The following JARID2 variants were observed in gnomAD, a reference collection of about 807,000 sequenced individuals.
The protein encoded by JARID2 is protein Jumonji.
Under a neutral mutation model 125.6 loss-of-function variants are expected in JARID2, and 21 were observed. The observed-to-expected ratio is 0.17, with a 90% CI of 0.12 to 0.24. The LOEUF (loss-of-function observed/expected upper bound fraction) is 0.24. Among genes scored for constraint, JARID2 ranks in the 10% least tolerant of loss-of-function variants. JARID2 has a pLI of 1.00. For synonymous variants in JARID2, 736 were observed against 661.6 expected, an observed-to-expected ratio of 1.11 and a Z score of -1.73; for missense variants, 1,303 against 1,639.6, an observed-to-expected ratio of 0.79 and a Z score of 3.55.
intron 5 of JARID2, among the ~76,000 whole-genome samples, chr6:15,473,611 A>G (rs1330134637): frequency 6.8e-6 from 1 of 147,920 alleles, no homozygotes; most frequent in Non-Finnish European, 1.5e-5. Flanking sequence ...GGGCTCCATT[A>G]AGACATTTTG....
At chr6:15,409,892 A>C (rs1408843688) in intron 2 of JARID2, among the ~76,000 whole-genome samples, 1 of 152,200 alleles carries the variant, frequency 6.6e-6, no homozygotes, top group African/African-American at 2.4e-5. Flanking sequence ...TTGATAACAG[A>C]TACTCCTTTC....
chr6:15,486,150 A>G (rs573763649), intron 5 of JARID2, among the ~76,000 whole-genome samples: 26 of 152,330 alleles, frequency 1.7e-4, no homozygotes, highest in Admixed American at 9.1e-4. Context: ...CCTAAAGGCA[A>G]CCCAGGAACA....
chr6:15,256,420 G>A (rs917474083), intron 1 of JARID2, among the ~76,000 whole-genome samples: 1 of 152,174 alleles, frequency 6.6e-6, no homozygotes, highest in African/African-American at 2.4e-5. Context: ...AGACTGGAGT[G>A]GCACTGAATC....
intron 3 of JARID2, among the ~76,000 whole-genome samples, chr6:15,437,955 A>G (rs1430461828): frequency 1.3e-5 from 2 of 152,158 alleles, no homozygotes; most frequent in Non-Finnish European, 2.9e-5. Context: ...CCTTAGCAGA[A>G]TAGATAGAAG....
intron 1 of JARID2, among the ~76,000 whole-genome samples, chr6:15,249,445 TC>T (rs1352372982): frequency 1.3e-5 from 2 of 152,210 alleles, no homozygotes; most frequent in Non-Finnish European, 2.9e-5. Flanking sequence ...AGCACAGGAC[TC>T]CTTTAAGTCT....
At chr6:15,333,007 C>A (rs1438590221) in intron 1 of JARID2, among the ~76,000 whole-genome samples, 1 of 132,430 alleles carries the variant, frequency 7.6e-6, no homozygotes, top group Non-Finnish European at 1.5e-5. Context: ...TCTCTGCTAA[C>A]TGCAGGCTCC....
At chr6:15,518,431 A>G (rs1160799362) in intron 17 of JARID2, among the ~76,000 whole-genome samples, 1 of 152,186 alleles carries the variant, frequency 6.6e-6, no homozygotes, top group African/African-American at 2.4e-5. Flanking sequence ...CATACTCTGT[A>G]GTGGCTGAGT....
At chr6:15,332,453 A>G (rs1762740213) in intron 1 of JARID2, among the ~76,000 whole-genome samples, 1 of 152,236 alleles carries the variant, frequency 6.6e-6, no homozygotes. Context: ...GCATTGTATC[A>G]AAACAGCTTT....
intron 2 of JARID2, among the ~76,000 whole-genome samples, chr6:15,405,309 G>A (rs931701399): frequency 3.3e-5 from 5 of 152,182 alleles, no homozygotes; most frequent in African/African-American, 4.8e-5. Context: ...TCCTGAATGT[G>A]CAGAGCTGCT....
At chr6:15,387,091 G>C (rs542504506) in intron 2 of JARID2, among the ~76,000 whole-genome samples, 184 of 152,272 alleles carry the variant, frequency 1.2e-3, no homozygotes, top group African/African-American at 4.0e-3. Flanking sequence ...TCTGGAGCTA[G>C]GGTCCCAGAC....
At chr6:15,437,233 C>T (rs1234919589) in intron 3 of JARID2, among the ~76,000 whole-genome samples, 1 of 151,984 alleles carries the variant, frequency 6.6e-6, no homozygotes, top group African/African-American at 2.4e-5. Context: ...ATGGTGTAGT[C>T]TAGGTCATAC....
At chr6:15,287,142 C>CGCAA (rs1561771299) in intron 1 of JARID2, among the ~76,000 whole-genome samples, 3 of 151,858 alleles carry the variant, frequency 2.0e-5, no homozygotes, top group African/African-American at 7.3e-5. Flanking sequence ...AAAAAGAAAA[C>CGCAA]ACAAACAAAC....
At chr6:15,518,172 G>A (rs892211875) in intron 17 of JARID2, among the ~76,000 whole-genome samples, 2 of 152,206 alleles carry the variant, frequency 1.3e-5, no homozygotes, top group Non-Finnish European at 2.9e-5. Flanking sequence ...TGCAAATAAC[G>A]AAGCCTTTGC....
chr6:15,377,210 A>T (rs1349877628), intron 2 of JARID2, among the ~76,000 whole-genome samples: 1 of 152,132 alleles, frequency 6.6e-6, no homozygotes, highest in African/African-American at 2.4e-5. Flanking sequence ...AAAGTGGTTT[A>T]ATTGGACTTA....
At chr6:15,486,821 T>TTTTTTTTTTTTTTTC (rs1769890499) in intron 5 of JARID2, among the ~76,000 whole-genome samples, 1 of 150,016 alleles carries the variant, frequency 6.7e-6, no homozygotes, top group African/African-American at 2.5e-5. Flanking sequence ...TTTTTTTTTT[T>TTTTTTTTTTTTTTTC]TTTGAGACAG....
At chr6:15,355,566 A>G (rs1364234434) in intron 1 of JARID2, among the ~76,000 whole-genome samples, 1 of 152,004 alleles carries the variant, frequency 6.6e-6, no homozygotes, top group Non-Finnish European at 1.5e-5. Context: ...TGTAAAGAGT[A>G]CAGTTCATAG....
intron 3 of JARID2, among the ~76,000 whole-genome samples, chr6:15,421,048 C>T (rs1401773491): frequency 1.3e-5 from 2 of 152,148 alleles, no homozygotes; most frequent in Non-Finnish European, 2.9e-5. Context: ...GTGGCTCTGG[C>T]CTCTGCTGTG....
At chr6:15,434,740 C>T (rs764663797) in intron 3 of JARID2, among the ~76,000 whole-genome samples, 1 of 152,200 alleles carries the variant, frequency 6.6e-6, no homozygotes, top group Non-Finnish European at 1.5e-5. Context: ...CCTCATCTAT[C>T]AGAAGGAGAT....
chr6:15,420,636 A>G (rs1187752429), intron 3 of JARID2, among the ~76,000 whole-genome samples: 1 of 152,190 alleles, frequency 6.6e-6, no homozygotes, highest in African/African-American at 2.4e-5. Context: ...ATTACTTGAC[A>G]GACACTAAAT....
Sources: allele counts gnomAD v4.1 joint callset (sites outside exome capture counted in the v4.1 genomes callset), GRCh38; gene constraint gnomAD v4.1.1; transcripts MANE v1.5; gene names NCBI Gene and HGNC (gene_info 2026-07-23, HGNC 2026-07-21).